CDYL: variants seen among roughly 807,000 people sequenced by gnomAD.
CDYL encodes chromodomain Y-like protein.
In CDYL, 8 loss-of-function variants were observed where a neutral mutation model predicts 47.3. The observed-to-expected ratio is 0.17, with a 90% CI of 0.10 to 0.31. CDYL has a LOEUF of 0.31. Among genes scored for constraint, CDYL ranks in the 10% least tolerant of loss-of-function variants. The pLI is 1.00. For synonymous variants in CDYL, 266 were observed against 265.0 expected, an observed-to-expected ratio of 1.00 and a Z score of -0.04; for missense variants, 471 against 701.4, an observed-to-expected ratio of 0.67 and a Z score of 3.71.
chr6:4,861,108 G>A (rs961344457), intron 1 of CDYL, among the ~76,000 whole-genome samples: 5 of 152,164 alleles, frequency 3.3e-5, no homozygotes, highest in Non-Finnish European at 7.3e-5. Flanking sequence ...TGATGCAGAG[G>A]ATCTAAAAAT....
chr6:4,907,441 G>A (rs1383327687), intron 2 of CDYL, among the ~76,000 whole-genome samples: 2 of 152,034 alleles, frequency 1.3e-5, no homozygotes, highest in African/African-American at 4.8e-5. Context: ...GCTCACTGCC[G>A]TCTCCCCCTC....
rs1453100418 is a variant in CDYL at position 4,892,048 on chromosome 6, G to A, written c.360G>A (p.Arg120=). Residue 120 remains arginine (R), a synonymous_variant, in exon 2 of 7, where the codon AGG becomes AGA. Transcript: ENST00000397588. The stretch of plus-strand genomic sequence containing the variant: ...TGTTTGCTGCCAGCCAGAAGTTCAG[G>A]AAGAACACAGCTCCATCTCTCTCCA... ...SQLFAASQKF[R]KNTAPSLSSR... 6.2e-7 allele frequency: 1 copy of A among 1,614,188 alleles called. No homozygotes were observed.
In CDYL at chr6:4,734,811, G is replaced by A. The variant is rs571392273; in HGVS notation, c.153G>A (p.Glu51=). 1.9e-6 allele frequency: 3 copies of A among 1,614,044 alleles called. 1 individual carries two copies. Among genetic ancestry groups the A allele is most frequent in the Admixed American group, 3.3e-5 (2 of 60,000 alleles). ...ACCCCAGCATCTCCGTGAGCAGTGA[G>A]CAAAGCGGGGCACAGCAGCCTCCCG... Residue 51 remains glutamate, a synonymous_variant, in exon 3 of 9, where the codon GAG becomes GAA. Coordinates refer to the CDYL transcript ENST00000328908.
intron 2 of CDYL, among the ~76,000 whole-genome samples, chr6:4,899,521 G>A (rs976868040): frequency 5.9e-5 from 9 of 152,120 alleles, no homozygotes; most frequent in Non-Finnish European, 8.8e-5. Context: ...GTGGATATAC[G>A]GGGAAACAAA....
chr6:4,717,472 G>A (rs775046701), intron 2 of CDYL, among the ~76,000 whole-genome samples: 45 of 151,998 alleles, frequency 3.0e-4, no homozygotes, highest in Middle Eastern at 6.8e-3. Flanking sequence ...TGAGGTGAGG[G>A]GATCTCTTGA....
chr6:4,746,923 G>C (rs1757909093), intron 3 of CDYL, among the ~76,000 whole-genome samples: 1 of 152,090 alleles, frequency 6.6e-6, no homozygotes, highest in African/African-American at 2.4e-5. Flanking sequence ...GCTCCATGCT[G>C]CGTTACCCCA....
At chr6:4,838,774 C>T (rs1760400467) in intron 1 of CDYL, among the ~76,000 whole-genome samples, 1 of 151,988 alleles carries the variant, frequency 6.6e-6, no homozygotes, top group Non-Finnish European at 1.5e-5. Context: ...GCAGCCTCCA[C>T]CTCCCGGGTT....
Position 4,900,779 on chromosome 6 carries a change from G to GTGTGTGTATA in CDYL, c.691+8401_691+8402insGTGTGTATAT. 5.0e-3 allele frequency among the ~76,000 whole-genome samples: 257 copies of GTGTGTGTATA among 51,438 alleles called. 3 individuals are homozygous for GTGTGTGTATA. Among genetic ancestry groups the GTGTGTGTATA allele is most frequent in the Non-Finnish European group, 8.2e-3 (197 of 24,006 alleles). 33.7% of individuals were successfully genotyped at this position (51,438 alleles called of 152,430 possible). ...TCTTCTGTTAATTCCGTATACGTGT[G>GTGTGTGTATA]TATATATATATATATATATATATAT... On this transcript the variant is annotated intron_variant, in intron 2 of 6. Coordinates refer to ENST00000397588, the MANE Select transcript of CDYL (RefSeq NM_004824.4).
chr6:4,798,750 A>T (rs1280012040), intron 1 of CDYL, among the ~76,000 whole-genome samples: 1 of 152,200 alleles, frequency 6.6e-6, no homozygotes, highest in Non-Finnish European at 1.5e-5. Context: ...GGATTCTTTC[A>T]TGAATATGTA....
chr6:4,719,123 C>T (rs1757324352), intron 2 of CDYL, among the ~76,000 whole-genome samples: 1 of 152,044 alleles, frequency 6.6e-6, no homozygotes, highest in Non-Finnish European at 1.5e-5. Context: ...TGGAGTTTTG[C>T]CATGTTGGCC....
chr6:4,746,881 G>A (rs183688206), intron 3 of CDYL, among the ~76,000 whole-genome samples: 81 of 152,100 alleles, frequency 5.3e-4, no homozygotes, highest in African/African-American at 1.8e-3. Context: ...TCGCTGTGCC[G>A]GCCCCTCACC....
At chr6:4,899,335 G>A (rs557072623) in intron 2 of CDYL, among the ~76,000 whole-genome samples, 1 of 152,334 alleles carries the variant, frequency 6.6e-6, no homozygotes, top group South Asian at 2.1e-4. Context: ...CATTTAATTG[G>A]TGTTTTAAAT....
chr6:4,780,158 A>G (rs1182120882), intron 1 of CDYL, among the ~76,000 whole-genome samples: 2 of 151,610 alleles, frequency 1.3e-5, no homozygotes, highest in Non-Finnish European at 2.9e-5. Context: ...TCTAACTTTC[A>G]TCCCAGCTCT....
intron 1 of CDYL, among the ~76,000 whole-genome samples, chr6:4,712,469 C>G (rs1463381483): frequency 6.6e-6 from 1 of 152,174 alleles, no homozygotes; most frequent in East Asian, 1.9e-4. Flanking sequence ...GGCCGCCGTT[C>G]CCACCGGCAG....
At chr6:4,724,992 G>C (rs936143838) in intron 2 of CDYL, 2 of 152,148 alleles carry the variant, frequency 1.3e-5, no homozygotes, top group African/African-American at 4.8e-5. Context: ...ACAGAGAGCT[G>C]ATTGGTCCGT....
intron 2 of CDYL, among the ~76,000 whole-genome samples, chr6:4,932,499 A>T (rs1440776586): frequency 6.6e-6 from 1 of 152,028 alleles, no homozygotes; most frequent in Non-Finnish European, 1.5e-5. Flanking sequence ...TTTGGGTGAG[A>T]CACAGGCATT....
chr6:4,906,922 C>T (rs1757255286), intron 2 of CDYL, among the ~76,000 whole-genome samples: 1 of 152,310 alleles, frequency 6.6e-6, no homozygotes, highest in South Asian at 2.1e-4. Context: ...CTATTAATCA[C>T]TGTTTACAGA....
At chr6:4,863,367 T>C (rs1042569383) in intron 1 of CDYL, among the ~76,000 whole-genome samples, 5 of 152,208 alleles carry the variant, frequency 3.3e-5, no homozygotes, top group Non-Finnish European at 7.3e-5. Context: ...TTAAATTATT[T>C]TTAAAAAGAC....
intron 1 of CDYL, among the ~76,000 whole-genome samples, chr6:4,826,351 A>G (rs1400745106): frequency 6.6e-6 from 1 of 151,902 alleles, no homozygotes; most frequent in African/African-American, 2.4e-5. Context: ...TTCTCTATGT[A>G]TCTTACCCGT....
Sources: gnomAD v4.1 joint callset for allele counts (sites outside exome capture counted in the v4.1 genomes callset) on GRCh38, gnomAD v4.1.1 for gene constraint, MANE v1.5 for transcripts, NCBI Gene and HGNC (gene_info 2026-07-23, HGNC 2026-07-21) for gene names.